Variants in DEFB115 observed in about 807,000 individuals in gnomAD.
The protein encoded by DEFB115 is defensin beta 115, also known as beta-defensin 115.
DEFB115 carries 7 observed loss-of-function variants against 8.8 expected under a neutral mutation model. The ratio of observed to expected loss-of-function variants is 0.79; its 90% CI spans 0.45 to 1.49. The LOEUF (loss-of-function observed/expected upper bound fraction) is 1.49. DEFB115 is among the 40% of genes most tolerant of loss of function. The probability of loss-of-function intolerance (pLI) is 0.01; values close to 1 mark genes in which losing one functional copy is unlikely to be tolerated. For synonymous variants in DEFB115, 62 were observed against 37.6 expected (o/e 1.65, Z -2.37); for missense variants, 143 against 99.4 (o/e 1.44, Z -1.86).
chr20:31,259,526 G>A lies in DEFB115; in HGVS notation c.161G>A (p.Arg54Lys). ...RCRKSCKEIE[R>K]KKEKCGEKHI... ...AGGAAATCATGCAAAGAAATTGAGA[G>A]GAAGAAAGAAAAATGTGGGGAAAAA... The change falls in exon 2 of 2, where the codon AGG (arginine) becomes AAG (lysine). Residue 54 changes from arginine to lysine, a missense_variant. Transcript: ENST00000400552. The A allele has an allele frequency of 6.2e-7, 1 of 1,612,722 alleles. No homozygotes were observed. The highest frequency in any genetic ancestry group is 1.1e-5 in the South Asian group (1 of 90,906).
chr20:31,258,093 C>G (rs191397350), intron 1 of DEFB115, among the ~76,000 whole-genome samples: 1 of 152,200 alleles, frequency 6.6e-6, no homozygotes, highest in South Asian at 2.1e-4. Context: ...TCTCTCACTT[C>G]AACCCCACTT....
intron 1 of DEFB115, among the ~76,000 whole-genome samples, chr20:31,259,153 T>C (rs931897151): frequency 6.6e-6 from 1 of 152,172 alleles, no homozygotes; most frequent in Non-Finnish European, 1.5e-5. Context: ...ATTGAAGGCT[T>C]AGTCCCACTC....
At chr20:31,259,176 C>G (rs941374340) in intron 1 of DEFB115, among the ~76,000 whole-genome samples, 1 of 152,044 alleles carries the variant, frequency 6.6e-6, no homozygotes, top group Non-Finnish European at 1.5e-5. Context: ...TGGCAAGCAT[C>G]TAGATTTAGA....
intron 1 of DEFB115, 149 bp downstream of exon 1, chr20:31,257,906 T>G (rs1983798320): frequency 7.1e-6 from 5 of 708,818 alleles, no homozygotes; most frequent in South Asian, 1.8e-5. Context: ...TATGCTCCCA[T>G]AAGAAGGGCA....
chr20:31,257,686 C>T lies in DEFB115; in HGVS notation c.23C>T (p.Pro8Leu). The T allele has an allele frequency of 1.2e-6, 2 of 1,613,974 alleles. No homozygotes were observed. Among genetic ancestry groups the T allele is most frequent in the Non-Finnish European group, 1.7e-6 (2 of 1,179,906 alleles). Residue 8 changes from proline to leucine, a missense_variant, in exon 1 of 2, where the codon CCC (proline) becomes CTC (leucine). Transcript: ENST00000400552. Reference protein sequence around the residue: MLPDHFSPLSGDIKLSVL... With the variant: MLPDHFSLLSGDIKLSVL... Reference sequence around the variant, plus strand: ...AGAATGCTGCCAGATCATTTCTCACCCCTCTCAGGAGACATTAAACTCTCT... The same window carrying T: ...AGAATGCTGCCAGATCATTTCTCACTCCTCTCAGGAGACATTAAACTCTCT...
chr20:31,259,221 A>T (rs1471077389), intron 1 of DEFB115, among the ~76,000 whole-genome samples: 1 of 152,196 alleles, frequency 6.6e-6, no homozygotes, highest in Non-Finnish European at 1.5e-5. Flanking sequence ...AGACTGTGAA[A>T]AATGACAGAG....
intron 1 of DEFB115, among the ~76,000 whole-genome samples, chr20:31,258,886 G>C (rs1381115168): frequency 6.6e-6 from 1 of 152,060 alleles, no homozygotes; most frequent in Non-Finnish European, 1.5e-5. Flanking sequence ...AGTCTGCGTT[G>C]ACTTAGAGTC....
chr20:31,259,587 A>T lies in DEFB115; in HGVS notation c.222A>T (p.Leu74=). ...GTGTCCCTAAAGAAAAGGATAAACT[A>T]TCACACATTCACGACCAAAAAGAGA... The part of the protein sequence containing the change: ...ICCVPKEKDK[L]SHIHDQKETS... The change falls in exon 2 of 2, where the codon CTA becomes CTT. Residue 74 remains leucine (L), a synonymous_variant. Coordinates refer to ENST00000400552, the MANE Select transcript of DEFB115 (RefSeq NM_001037730.1). 1 of 1,610,430 alleles carries T rather than the reference A, an allele frequency of 6.2e-7. No individual in the cohort carries two copies. The highest frequency in any genetic ancestry group is 8.5e-7 in the Non-Finnish European group (1 of 1,178,740).
At chr20:31,257,784 A>T (rs1460028938) in intron 1 of DEFB115, 27 bp downstream of exon 1, 1 of 1,585,448 alleles carries the variant, frequency 6.3e-7, no homozygotes, top group Non-Finnish European at 8.7e-7. Context: ...AGAGAAGGGA[A>T]AAGGGAGTAA....
At position 31,259,566 on chromosome 20, in the gene DEFB115, C is replaced by A; in HGVS notation, c.201C>A (p.Val67=). The A allele has an allele frequency of 2.5e-6, 4 of 1,611,776 alleles. No individual in the cohort carries two copies. The highest frequency in any genetic ancestry group is 3.4e-6 in the Non-Finnish European group (4 of 1,179,172). ...GTGGGGAAAAACATATTTGCTGTGTCCCTAAAGAAAAGGATAAACTATCAC... is the reference window on the plus strand; with the variant it reads ...GTGGGGAAAAACATATTTGCTGTGTACCTAAAGAAAAGGATAAACTATCAC... ...EKCGEKHICC[V]PKEKDKLSHI... The change falls in exon 2 of 2, where the codon GTC becomes GTA. Residue 67 remains valine (V), a synonymous_variant. Transcript: ENST00000400552.
At chr20:31,258,939 T>G (rs545813657) in intron 1 of DEFB115, among the ~76,000 whole-genome samples, 124 of 151,898 alleles carry the variant, frequency 8.2e-4, no homozygotes, top group African/African-American at 2.8e-3. Context: ...AAACCCTCCC[T>G]GCACCCACCC....
At chr20:31,257,853 G>C (rs1239537127) in intron 1 of DEFB115, 96 bp downstream of exon 1, 2 of 1,102,218 alleles carry the variant, frequency 1.8e-6, no homozygotes, top group African/African-American at 1.6e-5. Flanking sequence ...AGCAAGGAGA[G>C]CCCACAGGGA....
At chr20:31,257,789 G>A in intron 1 of DEFB115, 32 bp downstream of exon 1, 1 of 1,570,572 alleles carries the variant, frequency 6.4e-7, no homozygotes, top group Non-Finnish European at 8.8e-7. Flanking sequence ...AGGGAAAAGG[G>A]AGTAAGGATG....
At chr20:31,258,419 A>C (rs1568691398) in intron 1 of DEFB115, among the ~76,000 whole-genome samples, 1 of 152,118 alleles carries the variant, frequency 6.6e-6, no homozygotes, top group African/African-American at 2.4e-5. Flanking sequence ...TAGGCTTCCC[A>C]GGGGCTCTAA....
chr20:31,257,878 T>C (rs1032951934), intron 1 of DEFB115, 121 bp downstream of exon 1: 2 of 849,330 alleles, frequency 2.4e-6, no homozygotes, highest in African/African-American at 1.7e-5. Context: ...TGAGATCTGA[T>C]GAAAGGCTTA....
intron 1 of DEFB115, among the ~76,000 whole-genome samples, chr20:31,259,243 A>G (rs1030652890): frequency 3.3e-5 from 5 of 152,210 alleles, no homozygotes; most frequent in African/African-American, 1.2e-4. Context: ...AGAAAGTATC[A>G]TAAGCATAGG....
rs1328301478 is a variant in DEFB115 at position 31,259,591 on chromosome 20, C to T, written c.226C>T (p.His76Tyr). 11 of 1,609,046 alleles carry T rather than the reference C, an allele frequency of 6.8e-6. No homozygotes were observed. The highest frequency in any genetic ancestry group is 1.7e-4 in the Middle Eastern group (1 of 6,054). The change falls in exon 2 of 2, where the codon CAC (histidine) becomes TAC (tyrosine). Residue 76 changes from histidine (H) to tyrosine (Y), a missense_variant. Coordinates refer to ENST00000400552, the MANE Select transcript of DEFB115 (RefSeq NM_001037730.1). ...CCCTAAAGAAAAGGATAAACTATCA[C>T]ACATTCACGACCAAAAAGAGACAAG... ...CVPKEKDKLS[H>Y]IHDQKETSEL...
rs547320721 is a variant in DEFB115, at chr20:31,258,946, A to G, written c.95-514A>G. On this transcript the variant is annotated intron_variant, in intron 1 of 1. Transcript: ENST00000400552. ...ACAGTGTTAAACCCTCCCTGCACCCACCCCCCAACACACACACACACAAAC... is the reference window on the plus strand; with the variant it reads ...ACAGTGTTAAACCCTCCCTGCACCCGCCCCCCAACACACACACACACAAAC... Among the ~76,000 whole-genome samples the G allele has an allele frequency of 3.2e-4, 49 of 151,880 alleles. 2 individuals are homozygous for G. In the South Asian group the frequency reaches 9.8e-3, roughly 30 times the overall value.
intron 1 of DEFB115, among the ~76,000 whole-genome samples, chr20:31,259,252 G>A (rs553956839): frequency 6.6e-6 from 1 of 152,172 alleles, no homozygotes; most frequent in African/African-American, 2.4e-5. Context: ...CATAAGCATA[G>A]GAATAAAATT....
Sources: allele counts gnomAD v4.1 joint callset (sites outside exome capture counted in the v4.1 genomes callset), GRCh38; gene constraint gnomAD v4.1.1; transcripts MANE v1.5; gene names NCBI Gene and HGNC (gene_info 2026-07-23, HGNC 2026-07-21).